The following SCARA5 variants were observed in gnomAD, a reference collection of about 807,000 sequenced individuals.
SCARA5 encodes the protein scavenger receptor class A member 5, also known as scavenger receptor class A, member 5 (putative).
A neutral mutation model predicts 46.3 loss-of-function variants in SCARA5; 45 were observed. The ratio of observed to expected loss-of-function variants is 0.97; its 90% CI spans 0.76 to 1.24. The LOEUF (loss-of-function observed/expected upper bound fraction) is 1.24. Among genes scored for constraint, SCARA5 ranks in the 50% most tolerant of loss-of-function variants. The pLI, the probability that SCARA5 is intolerant of heterozygous loss-of-function variation, is 0.00. For synonymous variants in SCARA5, 333 were observed against 306.5 expected (o/e 1.09, Z -0.90); for missense variants, 680 against 689.0 (o/e 0.99, Z 0.15).
At chr8:27,940,871 A>G (rs1010877424) in intron 3 of SCARA5, among the ~76,000 whole-genome samples, 1 of 152,118 alleles carries the variant, frequency 6.6e-6, no homozygotes, top group Non-Finnish European at 1.5e-5. Context: ...AATTAAAAAC[A>G]CTAACACTGA....
At chr8:27,982,018 G>C (rs573590597) in intron 2 of SCARA5, among the ~76,000 whole-genome samples, 33 of 152,266 alleles carry the variant, frequency 2.2e-4, no homozygotes, top group Non-Finnish European at 4.4e-4. Context: ...AGATGAGGAG[G>C]ATATTTTCAT....
chr8:27,949,647 C>A (rs1808092614), intron 3 of SCARA5, among the ~76,000 whole-genome samples: 1 of 152,178 alleles, frequency 6.6e-6, no homozygotes, highest in South Asian at 2.1e-4. Context: ...GTGCCTGACT[C>A]ACCTCCTGTC....
intron 7 of SCARA5, among the ~76,000 whole-genome samples, chr8:27,901,622 G>A (rs564387286): frequency 7.4e-4 from 112 of 152,306 alleles, no homozygotes; most frequent in Non-Finnish European, 1.3e-3. Context: ...GCAGGAGGCT[G>A]AATACAGCTT....
intron 3 of SCARA5, among the ~76,000 whole-genome samples, chr8:27,927,743 A>G (rs1807705054): frequency 6.6e-6 from 1 of 152,170 alleles, no homozygotes; most frequent in Non-Finnish European, 1.5e-5. Context: ...GTCAAAAGGC[A>G]TGGACATTTT....
intron 3 of SCARA5, among the ~76,000 whole-genome samples, chr8:27,925,393 T>A (rs1053992838): frequency 1.3e-5 from 2 of 152,176 alleles, no homozygotes; most frequent in Non-Finnish European, 2.9e-5. Context: ...GGGGAAAGGA[T>A]TTCCTATTTA....
intron 7 of SCARA5, chr8:27,886,063 G>A (rs1427100736): frequency 6.5e-6 from 1 of 154,630 alleles, no homozygotes; most frequent in East Asian, 1.9e-4. Flanking sequence ...TCCCCAGTAG[G>A]GACCACATTG....
intron 7 of SCARA5, among the ~76,000 whole-genome samples, chr8:27,902,379 C>A (rs1411476659): frequency 6.6e-6 from 1 of 152,178 alleles, no homozygotes; most frequent in Non-Finnish European, 1.5e-5. Flanking sequence ...TCTCACCTCC[C>A]TGCACCGTAG....
At chr8:27,904,901 TG>T in intron 6 of SCARA5, 67 bp from the exon 7 acceptor site, 3 of 1,332,368 alleles carry the variant, frequency 2.3e-6, no homozygotes, top group Admixed American at 2.0e-5. Context: ...AAATATTACC[TG>T]CAGGAGATTG....
At chr8:27,967,773 C>T (rs1808391906) in intron 2 of SCARA5, among the ~76,000 whole-genome samples, 1 of 152,024 alleles carries the variant, frequency 6.6e-6, no homozygotes, top group Non-Finnish European at 1.5e-5. Flanking sequence ...ATTAGCTGGG[C>T]GTGGTGTCGC....
At chr8:27,960,901 G>A (rs931905214) in intron 3 of SCARA5, among the ~76,000 whole-genome samples, 1 of 152,212 alleles carries the variant, frequency 6.6e-6, no homozygotes, top group African/African-American at 2.4e-5. Context: ...CTATGCTTAT[G>A]TGTGTGTACT....
intron 3 of SCARA5, among the ~76,000 whole-genome samples, chr8:27,965,024 C>T (rs555102047): frequency 6.6e-6 from 1 of 152,304 alleles, no homozygotes; most frequent in Admixed American, 6.5e-5. Flanking sequence ...CTCTGGCCCA[C>T]TCGGCCTGCG....
At chr8:27,883,419 G>A (rs1475298310) in intron 7 of SCARA5, among the ~76,000 whole-genome samples, 1 of 152,122 alleles carries the variant, frequency 6.6e-6, no homozygotes, top group Non-Finnish European at 1.5e-5. Flanking sequence ...TACTCTTGGG[G>A]GCTATTTCCC....
In SCARA5 at chr8:27,966,576, A is replaced by G. The variant is rs778178757; in HGVS notation, c.113-34T>C. On this transcript the variant is annotated intron_variant, in intron 2 of 8. Coordinates refer to ENST00000354914, the MANE Select transcript of SCARA5 (RefSeq NM_173833.6). ...TAAGGGTAAGAGGAGGAAGGAAAGAAGACACTTAAAAACCCCATAAGCTCT... is the reference window on the plus strand; with the variant it reads ...TAAGGGTAAGAGGAGGAAGGAAAGAGGACACTTAAAAACCCCATAAGCTCT... 3.5e-5 allele frequency: 55 copies of G among 1,575,358 alleles called. 2 individuals are homozygous for G. In the South Asian group the frequency reaches 4.0e-4, roughly 11 times the overall value.
In SCARA5 at chr8:27,880,629, T is replaced by G. The variant is rs534507019; in HGVS notation, c.1154-863A>C. On this transcript the variant is annotated intron_variant, in intron 7 of 8. Transcript: ENST00000354914. ...GGGAGACCAAGGCAGGAAGATCACT[T>G]GAGGCTAGGGCTTCAAGACCAGCCT... is the stretch of plus-strand genomic sequence containing the variant. 2.2e-3 allele frequency among the ~76,000 whole-genome samples: 342 copies of G among 152,162 alleles called. 1 individual carries two copies. Among genetic ancestry groups the G allele is most frequent in the African/African-American group, 7.8e-3 (324 of 41,536 alleles).
intron 4 of SCARA5, among the ~76,000 whole-genome samples, chr8:27,915,641 T>C (rs1807449361): frequency 1.3e-5 from 2 of 152,228 alleles, no homozygotes; most frequent in African/African-American, 4.8e-5. Context: ...ATTGTGTTTT[T>C]TCTCACGAAA....
intron 1 of SCARA5, among the ~76,000 whole-genome samples, chr8:27,990,568 C>T (rs151127133): frequency 2.0e-5 from 3 of 152,286 alleles, no homozygotes; most frequent in Non-Finnish European, 2.9e-5. Context: ...GATATCAGAG[C>T]GGGAAGAGGC....
At chr8:27,957,285 G>A (rs1261353324) in intron 3 of SCARA5, among the ~76,000 whole-genome samples, 1 of 152,154 alleles carries the variant, frequency 6.6e-6, no homozygotes, top group African/African-American at 2.4e-5. Context: ...CTTGATATTC[G>A]AAGCTGAATT....
chr8:27,886,442 T>C (rs772198053), intron 7 of SCARA5, among the ~76,000 whole-genome samples: 2 of 152,236 alleles, frequency 1.3e-5, no homozygotes, highest in Admixed American at 1.3e-4. Context: ...CTCAGCTCTG[T>C]TACCACCTCT....
chr8:27,890,382 G>A lies in SCARA5; in HGVS notation c.1154-10616C>T, dbSNP rs182775337. Among the ~76,000 whole-genome samples, 1,048 of 152,344 alleles carry A rather than the reference G, an allele frequency of 6.9e-3. 52 individuals are homozygous for A. The highest frequency in any genetic ancestry group is 0.061 in the Admixed American group (938 of 15,304). On this transcript the variant is annotated intron_variant, in intron 7 of 8. Transcript: ENST00000354914. ...AGGCTGGCACTCCTAGAACCAGGTG[G>A]CACTGCTCTCCATCTGTGAAGGTTA...
Sources: allele counts gnomAD v4.1 joint callset (sites outside exome capture counted in the v4.1 genomes callset), GRCh38; gene constraint gnomAD v4.1.1; transcripts MANE v1.5; gene names NCBI Gene and HGNC (gene_info 2026-07-23, HGNC 2026-07-21).